The following ENTPD7 variants were observed in gnomAD, a reference collection of about 807,000 sequenced individuals.
ENTPD7 encodes the protein ectonucleoside triphosphate diphosphohydrolase 7, also known as NTPDase 7.
ENTPD7 carries 53 observed loss-of-function variants against 77.9 expected under a neutral mutation model. The observed-to-expected ratio is 0.68, with a 90% CI of 0.55 to 0.85. The LOEUF is 0.85. ENTPD7 is among the 40% of genes least tolerant of loss of function. The pLI is 0.00. For synonymous variants in ENTPD7, 248 were observed against 274.9 expected, an observed-to-expected ratio of 0.90 and a Z score of 0.97; for missense variants, 636 against 743.7, an observed-to-expected ratio of 0.86 and a Z score of 1.68.
At chr10:99,668,942 C>G (rs997727458) in intron 3 of ENTPD7, among the ~76,000 whole-genome samples, 1 of 152,048 alleles carries the variant, frequency 6.6e-6, no homozygotes, top group Non-Finnish European at 1.5e-5. Context: ...TTCCAGGAAC[C>G]CACTTACACG....
chr10:99,660,480 C>T (rs2035465474), intron 2 of ENTPD7: 2 of 635,696 alleles, frequency 3.1e-6, no homozygotes, highest in African/African-American at 3.8e-5. Flanking sequence ...TGCAGAACAG[C>T]AGGTATGGTG....
intron 5 of ENTPD7, among the ~76,000 whole-genome samples, chr10:99,682,817 A>G (rs984830084): frequency 1.3e-5 from 2 of 152,226 alleles, no homozygotes; most frequent in African/African-American, 2.4e-5. Flanking sequence ...TAAAAGGCCA[A>G]GGAAAGGGGA....
chr10:99,660,274 G>A, intron 2 of ENTPD7: 2 of 980,686 alleles, frequency 2.0e-6, no homozygotes, highest in South Asian at 4.7e-5. Flanking sequence ...GTTAAACAAA[G>A]AAGTTTTTTT....
At chr10:99,699,276 C>G (rs1045947955) in intron 10 of ENTPD7, among the ~76,000 whole-genome samples, 1 of 152,126 alleles carries the variant, frequency 6.6e-6, no homozygotes, top group African/African-American at 2.4e-5. Flanking sequence ...GCCCATCTTT[C>G]TTTTGGGTTG....
At chr10:99,674,184 A>T (rs2035652513) in intron 3 of ENTPD7, among the ~76,000 whole-genome samples, 2 of 152,186 alleles carry the variant, frequency 1.3e-5, no homozygotes, top group Admixed American at 1.3e-4. Context: ...TGTTAAAGAG[A>T]AAAGGAAGGC....
Position 99,662,458 on chromosome 10 carries a change from CT to C in ENTPD7, c.191+831del, listed in dbSNP as rs1172149811. 2.0e-5 allele frequency among the ~76,000 whole-genome samples: 3 copies of C among 152,072 alleles called. No individual in the cohort carries two copies. The East Asian group carries it at 5.8e-4, about 29-fold the overall frequency. ...ACCTAACAACAGTATACTTTCATTC[CT>C]CCCTTCCCCTTGGTCTTTCTGCTAC... On this transcript the variant is annotated intron_variant, in intron 3 of 12. Transcript: ENST00000370489.
At chr10:99,689,691 G>C (rs897105541) in intron 7 of ENTPD7, among the ~76,000 whole-genome samples, 1 of 152,160 alleles carries the variant, frequency 6.6e-6, no homozygotes, top group Non-Finnish European at 1.5e-5. Flanking sequence ...GAGAGTTCAA[G>C]TATTATCAGC....
chr10:99,703,516 G>A (rs920091235), intron 12 of ENTPD7, among the ~76,000 whole-genome samples: 2 of 152,104 alleles, frequency 1.3e-5, no homozygotes, highest in African/African-American at 2.4e-5. Flanking sequence ...TTAGAGATTC[G>A]CATTCTAGAA....
At chr10:99,679,700 G>T (rs758809238) in intron 4 of ENTPD7, 25 bp from the exon 5 acceptor site, 11 of 1,593,786 alleles carry the variant, frequency 6.9e-6, no homozygotes, top group South Asian at 1.1e-5. Flanking sequence ...AGAAAGTTTT[G>T]TCTGTTTGTT....
intron 5 of ENTPD7, among the ~76,000 whole-genome samples, chr10:99,684,015 C>A (rs562805957): frequency 6.6e-6 from 1 of 152,266 alleles, no homozygotes; most frequent in South Asian, 2.1e-4. Context: ...CATTTTGAAG[C>A]ATGGTCCTGG....
chr10:99,675,288 G>A (rs2035665952), intron 3 of ENTPD7, among the ~76,000 whole-genome samples: 1 of 151,636 alleles, frequency 6.6e-6, no homozygotes, highest in African/African-American at 2.4e-5. Context: ...ATACTTAAAA[G>A]ACTTTTTGAG....
In ENTPD7 at chr10:99,698,708, C is replaced by T. The variant is rs1277153337; in HGVS notation, c.1185C>T (p.Thr395=). ...GCCCCCTGCTGGCTCGCTCCAACAC[C>T]AGCCAGGCCTCACTCAATGGCATAT... ...MLSPLLARSN[T]SQASLNGIYQ... is the part of the protein sequence containing the mutation. Residue 395 remains threonine (T), a synonymous_variant, in exon 10 of 13, where the codon ACC becomes ACT. Transcript: ENST00000370489. The T allele has an allele frequency of 3.7e-6, 6 of 1,614,078 alleles. No individual in the cohort carries two copies. Among genetic ancestry groups the T allele is most frequent in the Non-Finnish European group, 5.1e-6 (6 of 1,180,046 alleles).
chr10:99,704,807 C>G lies in ENTPD7; in HGVS notation c.*124C>G. ...TTGTGGATATTTGCCCTTGGAATTT[C>G]TACTTTACTTTCTACCGTAATTCCT... On this transcript the variant is annotated 3_prime_UTR_variant, in exon 13 of 13. Coordinates refer to ENST00000370489, the MANE Select transcript of ENTPD7 (RefSeq NM_020354.5). 1 of 880,186 alleles carries G rather than the reference C, an allele frequency of 1.1e-6. No individual in the cohort carries two copies. The highest frequency in any genetic ancestry group is 1.7e-6 in the Non-Finnish European group (1 of 578,106). The allele number at this position is 880,186 out of a possible 1,614,324, so 54.5% of individuals were successfully genotyped here.
At chr10:99,662,519 C>T (rs527533352) in intron 3 of ENTPD7, among the ~76,000 whole-genome samples, 73 of 152,094 alleles carry the variant, frequency 4.8e-4, no homozygotes, top group Admixed American at 8.5e-4. Flanking sequence ...TTATAAGCTC[C>T]ACAATATATT....
intron 6 of ENTPD7, among the ~76,000 whole-genome samples, 173 bp downstream of exon 6, chr10:99,686,068 G>A (rs2035807682): frequency 6.6e-6 from 1 of 151,980 alleles, no homozygotes; most frequent in Non-Finnish European, 1.5e-5. Context: ...ATTGGCATCT[G>A]TTTAGAATGC....
chr10:99,704,852 T>G lies in ENTPD7; in HGVS notation c.*169T>G, dbSNP rs2036221625. The G allele has an allele frequency of 1.6e-6, 1 of 645,016 alleles. No individual in the cohort carries two copies. The highest frequency in any genetic ancestry group is 1.8e-5 in the African/African-American group (1 of 54,638). The allele number at this position is 645,016 out of a possible 1,614,324, so 40.0% of individuals were successfully genotyped here. A position where few individuals can be genotyped will look rare whatever the true frequency, so the allele number is the denominator to read the frequency against. Reference sequence around the variant, plus strand: ...ATTCCTTCTCCGTACCCAGGTCTTCTCTGAGAGAAGCTATAATTTAATCTG... The same window carrying G: ...ATTCCTTCTCCGTACCCAGGTCTTCGCTGAGAGAAGCTATAATTTAATCTG... On this transcript the variant is annotated 3_prime_UTR_variant, in exon 13 of 13. Coordinates refer to ENST00000370489, the MANE Select transcript of ENTPD7 (RefSeq NM_020354.5).
Position 99,710,212 on chromosome 10 carries a change from G to T in ENTPD7, c.*5529G>T. On this transcript the variant is annotated 3_prime_UTR_variant, in exon 13 of 13. Transcript: ENST00000370489. ...CCTACAGAGCACTTGCCGGCATTTGGCCTGCTGCTGGTGAAGACGCCCCTT... is the reference window on the plus strand; with the variant it reads ...CCTACAGAGCACTTGCCGGCATTTGTCCTGCTGCTGGTGAAGACGCCCCTT... 1.0e-6 allele frequency: 1 copy of T among 985,348 alleles called. No homozygotes were observed. The highest frequency in any genetic ancestry group is 1.2e-6 in the Non-Finnish European group (1 of 829,918). 61.0% of individuals were successfully genotyped at this position (985,348 alleles called of 1,614,324 possible). A position where few individuals can be genotyped will look rare whatever the true frequency, so the allele number is the denominator to read the frequency against.
At chr10:99,693,873 G>A (rs1004811897) in intron 8 of ENTPD7, among the ~76,000 whole-genome samples, 21 of 151,002 alleles carry the variant, frequency 1.4e-4, no homozygotes, top group African/African-American at 5.1e-4. Context: ...AGCCAAGATC[G>A]CACCACTGCA....
At position 99,710,381 on chromosome 10, in the gene ENTPD7, C is replaced by T; in HGVS notation, c.*5698C>T. On this transcript the variant is annotated 3_prime_UTR_variant, in exon 13 of 13. Transcript: ENST00000370489. ...GTCCTGAAGTACATGCCATGTACTC[C>T]CCCTTTATTTCTACCTTGATCAATG... 1.0e-6 allele frequency: 1 copy of T among 985,332 alleles called. No homozygotes were observed. Among genetic ancestry groups the T allele is most frequent in the Non-Finnish European group, 1.2e-6 (1 of 829,924 alleles). The allele number at this position is 985,332 out of a possible 1,614,324, so 61.0% of individuals were successfully genotyped here.
Sources: gnomAD v4.1 joint callset for allele counts (sites outside exome capture counted in the v4.1 genomes callset) on GRCh38, gnomAD v4.1.1 for gene constraint, MANE v1.5 for transcripts, NCBI Gene and HGNC (gene_info 2026-07-23, HGNC 2026-07-21) for gene names.